Variants in TOX2 observed in about 807,000 individuals in gnomAD.
TOX2 encodes granulosa cell HMG box 1.
TOX2 carries 15 observed loss-of-function variants against 47.4 expected under a neutral mutation model. The observed-to-expected ratio is 0.32, with a 90% CI of 0.21 to 0.49. The LOEUF (loss-of-function observed/expected upper bound fraction) is 0.49. Among genes scored for constraint, TOX2 ranks in the 20% least tolerant of loss-of-function variants. The pLI, the probability that TOX2 is intolerant of heterozygous loss-of-function variation, is 0.99. For synonymous variants in TOX2, 290 were observed against 296.6 expected (o/e 0.98, Z 0.23); for missense variants, 622 against 673.1 (o/e 0.92, Z 0.84).
intron 2 of TOX2, among the ~76,000 whole-genome samples, chr20:43,994,884 A>G (rs952507518): frequency 1.3e-5 from 2 of 152,184 alleles, no homozygotes; most frequent in Non-Finnish European, 2.9e-5. Context: ...TTTCGGGGTC[A>G]GGAACAGCCA....
At chr20:44,005,739 A>G (rs35048520) in intron 2 of TOX2, among the ~76,000 whole-genome samples, 3,931 of 152,348 alleles carry the variant, frequency 0.026, 55 homozygotes, top group Non-Finnish European at 0.034. Context: ...AAAGCCATGC[A>G]TGATTTTAAT....
At chr20:43,930,746 T>A (rs1327932803) in intron 1 of TOX2, among the ~76,000 whole-genome samples, 6 of 152,162 alleles carry the variant, frequency 3.9e-5, no homozygotes, top group Non-Finnish European at 7.3e-5. Context: ...TCTTCTTTTT[T>A]AAAAAAATTA....
intron 3 of TOX2, among the ~76,000 whole-genome samples, chr20:44,023,815 G>A (rs1447932910): frequency 1.3e-5 from 2 of 152,258 alleles, no homozygotes; most frequent in African/African-American, 2.4e-5. Context: ...TTCTCATGCA[G>A]GACAGTGAGC....
intron 3 of TOX2, among the ~76,000 whole-genome samples, chr20:44,035,145 C>G (rs920500351): frequency 6.6e-6 from 1 of 152,262 alleles, no homozygotes; most frequent in South Asian, 2.1e-4. Context: ...CTTGTCTCCT[C>G]TCTCAACTGC....
Position 44,032,921 on chromosome 20 carries a change from G to C in TOX2, c.412-18385G>C, listed in dbSNP as rs2071179782. ...CAGTATCACCAGGAATGGGGCTGTT[G>C]CCTTAAAGGATAAATTAGTCTGACT... On this transcript the variant is annotated intron_variant, in intron 3 of 8. Coordinates refer to ENST00000341197, the MANE Select transcript of TOX2 (RefSeq NM_001098797.2). Among the ~76,000 whole-genome samples the C allele has an allele frequency of 1.3e-5, 2 of 152,216 alleles. 1 individual carries two copies. The highest frequency in any genetic ancestry group is 1.3e-4 in the Admixed American group (2 of 15,284).
intron 3 of TOX2, chr20:44,039,345 A>G: frequency 7.9e-7 from 1 of 1,270,374 alleles, no homozygotes; most frequent in East Asian, 5.6e-5. Context: ...GAGATTGTAC[A>G]GATCCTCATG....
At chr20:43,923,040 A>C (rs1046140817) in intron 1 of TOX2, among the ~76,000 whole-genome samples, 4 of 152,034 alleles carry the variant, frequency 2.6e-5, no homozygotes, top group African/African-American at 7.2e-5. Context: ...TCTTACAGGA[A>C]TGCCAGGTGG....
chr20:43,979,860 C>G (rs978199837), intron 2 of TOX2, among the ~76,000 whole-genome samples: 1 of 152,108 alleles, frequency 6.6e-6, no homozygotes, highest in African/African-American at 2.4e-5. Flanking sequence ...GGCTTATATT[C>G]AAAAGACAGG....
chr20:44,039,217 G>C, intron 3 of TOX2: 2 of 1,287,900 alleles, frequency 1.6e-6, no homozygotes, highest in Non-Finnish European at 2.0e-6. Flanking sequence ...TCTCTGAGGA[G>C]GTGACATTTC....
intron 3 of TOX2, among the ~76,000 whole-genome samples, chr20:44,022,786 G>A (rs188249196): frequency 6.6e-5 from 10 of 152,318 alleles, no homozygotes; most frequent in East Asian, 3.9e-4. Flanking sequence ...TCCATGGGCA[G>A]GACCTGCCTT....
At chr20:44,034,410 G>A (rs144145965) in intron 3 of TOX2, among the ~76,000 whole-genome samples, 2 of 152,292 alleles carry the variant, frequency 1.3e-5, no homozygotes, top group Admixed American at 6.5e-5. Context: ...GGTGTTTCTG[G>A]CTCAGGGTCT....
intron 1 of TOX2, among the ~76,000 whole-genome samples, chr20:43,971,882 G>T (rs1434516047): frequency 6.6e-6 from 1 of 152,222 alleles, no homozygotes; most frequent in African/African-American, 2.4e-5. Flanking sequence ...ATGTGTATAT[G>T]TAGACAGTCT....
At chr20:44,008,551 C>T (rs577821478) in intron 3 of TOX2, among the ~76,000 whole-genome samples, 13 of 93,594 alleles carry the variant, frequency 1.4e-4, no homozygotes, top group African/African-American at 6.9e-4. Context: ...CGCAGCAAGA[C>T]CCTGTCTCAA....
chr20:44,041,454 T>A (rs1473461420), intron 3 of TOX2, among the ~76,000 whole-genome samples: 1 of 152,228 alleles, frequency 6.6e-6, no homozygotes, highest in East Asian at 1.9e-4. Flanking sequence ...CAAAGTTTTT[T>A]AAATGCCCTA....
chr20:44,051,423 A>T lies in TOX2; in HGVS notation c.529A>T (p.Ile177Phe), dbSNP rs754794148. Reference sequence around the variant, plus strand: ...GAGTGCCCTCAGCCAGTCCCAGCTCATCTCGCAGATGGGCATCCGGAGCAG... The same window carrying T: ...GAGTGCCCTCAGCCAGTCCCAGCTCTTCTCGCAGATGGGCATCCGGAGCAG... The part of the protein sequence containing the change: ...HMSALSQSQL[I>F]SQMGIRSSIA... The change falls in exon 4 of 9, where the codon ATC becomes TTC. Residue 177 changes from isoleucine to phenylalanine, a missense_variant. Coordinates refer to ENST00000341197, the MANE Select transcript of TOX2 (RefSeq NM_001098797.2). The T allele has an allele frequency of 7.4e-6, 12 of 1,613,954 alleles. No homozygotes were observed. In the African/African-American group the frequency reaches 1.5e-4, roughly 20 times the overall value.
In TOX2 at chr20:43,968,087, C is replaced by A. The variant is rs2069891620; in HGVS notation, c.100-5280C>A. Among the ~76,000 whole-genome samples, 10 of 152,148 alleles carry A rather than the reference C, an allele frequency of 6.6e-5. No individual in the cohort carries two copies. In the South Asian group the frequency reaches 2.1e-3, roughly 32 times the overall value. On this transcript the variant is annotated intron_variant, in intron 1 of 8. Transcript: ENST00000341197. ...AATCCCTCACCCATCTATTCATTCA[C>A]CCGTCCGTCATCTGCCGATCATCCG...
chr20:43,981,922 T>G (rs969305673), intron 2 of TOX2, among the ~76,000 whole-genome samples: 1 of 148,570 alleles, frequency 6.7e-6, no homozygotes, highest in Non-Finnish European at 1.5e-5. Context: ...GAAGATTCCA[T>G]AGAAGGGATT....
At chr20:44,003,491 T>A (rs2070622875) in intron 2 of TOX2, among the ~76,000 whole-genome samples, 1 of 152,178 alleles carries the variant, frequency 6.6e-6, no homozygotes, top group Non-Finnish European at 1.5e-5. Context: ...TCTGAGCTCT[T>A]ACTTTGTGTT....
At chr20:44,037,199 C>A (rs1008807902) in intron 3 of TOX2, among the ~76,000 whole-genome samples, 19 of 152,214 alleles carry the variant, frequency 1.2e-4, no homozygotes, top group Non-Finnish European at 1.9e-4. Flanking sequence ...GGTGATCCAC[C>A]CACCTTGGCC....
Sources: gnomAD v4.1 joint callset for allele counts (sites outside exome capture counted in the v4.1 genomes callset) on GRCh38, gnomAD v4.1.1 for gene constraint, MANE v1.5 for transcripts, NCBI Gene and HGNC (gene_info 2026-07-23, HGNC 2026-07-21) for gene names.